The following SPATA31H1 variants were observed in gnomAD, a reference collection of about 807,000 sequenced individuals.
SPATA31H1 encodes the protein SPATA31 subfamily H member 1.
the SPATA31H1 span, chr2:27,580,307 GAC>G: frequency 6.2e-7 from 1 of 1,614,102 alleles, no homozygotes; most frequent in Non-Finnish European, 8.5e-7. Flanking sequence ...TAGTAGAAAA[GAC>G]AAAAACTAGA....
At chr2:27,566,480 G>T in the SPATA31H1 span, 2 of 664,506 alleles carry the variant, frequency 3.0e-6, no homozygotes, top group Non-Finnish European at 5.5e-6. Flanking sequence ...AGAGGGAGAA[G>T]AGAGAGTTTG....
chr2:27,564,373 G>T, the SPATA31H1 span, among the ~76,000 whole-genome samples: 1 of 152,068 alleles, frequency 6.6e-6, no homozygotes, highest in Non-Finnish European at 1.5e-5. Flanking sequence ...CTACCTTGTT[G>T]TTAACCCAAA....
chr2:27,579,426 C>T, the SPATA31H1 span: 1 of 1,614,206 alleles, frequency 6.2e-7, no homozygotes, highest in Non-Finnish European at 8.5e-7. Context: ...TACTATTTCT[C>T]AGCCTTCTGT....
chr2:27,541,289 G>T, the SPATA31H1 span, among the ~76,000 whole-genome samples: 3 of 151,672 alleles, frequency 2.0e-5, no homozygotes, highest in Admixed American at 6.6e-5. Context: ...CAGGCACTCG[G>T]CAGGCTGATG....
the SPATA31H1 span, among the ~76,000 whole-genome samples, chr2:27,542,902 C>A: frequency 6.6e-6 from 1 of 151,856 alleles, no homozygotes; most frequent in Non-Finnish European, 1.5e-5. Flanking sequence ...TTCGAGACCA[C>A]CCTGTCTCTA....
At chr2:27,550,756 T>A in the SPATA31H1 span, among the ~76,000 whole-genome samples, 1 of 151,952 alleles carries the variant, frequency 6.6e-6, no homozygotes, top group East Asian at 1.9e-4. Flanking sequence ...CATGTCTCTA[T>A]GTGAGATGGT....
the SPATA31H1 span, among the ~76,000 whole-genome samples, chr2:27,551,312 G>C: frequency 1.3e-5 from 2 of 151,940 alleles, no homozygotes; most frequent in Non-Finnish European, 2.9e-5. Flanking sequence ...TTAGATTTTA[G>C]AATCAAGGTT....
At chr2:27,546,530 G>A in the SPATA31H1 span, among the ~76,000 whole-genome samples, 3 of 151,994 alleles carry the variant, frequency 2.0e-5, no homozygotes, top group Middle Eastern at 6.8e-3. Flanking sequence ...TTAATGAAAC[G>A]TTCTTATTCT....
the SPATA31H1 span, chr2:27,574,465 T>C: frequency 7.5e-6 from 3 of 398,276 alleles, no homozygotes; most frequent in Non-Finnish European, 1.3e-5. Context: ...TTACAAGATA[T>C]AAAATCTTCT....
chr2:27,581,707 G>A, the SPATA31H1 span: 4 of 1,613,244 alleles, frequency 2.5e-6, no homozygotes, highest in Non-Finnish European at 2.5e-6. Flanking sequence ...AGACATCACA[G>A]TCCCTCTAAG....
At chr2:27,578,504 A>G in the SPATA31H1 span, 2 of 1,614,168 alleles carry the variant, frequency 1.2e-6, no homozygotes, top group Non-Finnish European at 1.7e-6. Context: ...AAGAACTGAT[A>G]GTACCTGCAG....
the SPATA31H1 span, chr2:27,568,289 T>TA: frequency 2.5e-6 from 1 of 398,938 alleles, no homozygotes; most frequent in East Asian, 3.6e-5. Context: ...AACATGCAGT[T>TA]ACGGAAACTG....
the SPATA31H1 span, chr2:27,578,551 C>A: frequency 0.52 from 837,083 of 1,610,720 alleles, 223,344 homozygotes; most frequent in East Asian, 0.86. Flanking sequence ...GTGAAGTCTG[C>A]AGAATTAACC....
chr2:27,547,979 CTTTT>C, the SPATA31H1 span, among the ~76,000 whole-genome samples: 1 of 113,258 alleles, frequency 8.8e-6, no homozygotes, highest in Non-Finnish European at 1.7e-5. Context: ...ATAGTAATTT[CTTTT>C]TTTTTTTTTT....
At chr2:27,579,124 G>C in the SPATA31H1 span, 1 of 1,614,180 alleles carries the variant, frequency 6.2e-7, no homozygotes, top group East Asian at 2.2e-5. Context: ...TCACGATCTA[G>C]GACATTCCAG....
At chr2:27,581,681 T>C in the SPATA31H1 span, 77 of 1,428,294 alleles carry the variant, frequency 5.4e-5, no homozygotes, top group African/African-American at 4.2e-4. Context: ...GGAGCCATCG[T>C]GGTCCCTCTG....
At chr2:27,563,994 G>C in the SPATA31H1 span, among the ~76,000 whole-genome samples, 3 of 152,180 alleles carry the variant, frequency 2.0e-5, no homozygotes, top group Non-Finnish European at 4.4e-5. Flanking sequence ...GGGATTACAG[G>C]CATGAGCCAC....
At chr2:27,574,481 GATCATGGGT>G in the SPATA31H1 span, 1 of 398,462 alleles carries the variant, frequency 2.5e-6, no homozygotes, top group South Asian at 1.3e-4. Context: ...CTTCTGATCT[GATCATGGGT>G]ATAAAGCTTC....
At chr2:27,554,096 C>T in the SPATA31H1 span, among the ~76,000 whole-genome samples, 3 of 151,972 alleles carry the variant, frequency 2.0e-5, no homozygotes, top group Admixed American at 6.6e-5. Context: ...TCTGAGACCT[C>T]GTCAGAATGG....
Sources: gnomAD v4.1 joint callset for allele counts (sites outside exome capture counted in the v4.1 genomes callset) on GRCh38, gnomAD v4.1.1 for gene constraint, MANE v1.5 for transcripts, NCBI Gene and HGNC (gene_info 2026-07-23, HGNC 2026-07-21) for gene names.